Variants in INVS observed in about 807,000 individuals in gnomAD.
INVS encodes inversion of embryo turning homolog.
In INVS, 86 loss-of-function variants were observed where a neutral mutation model predicts 108.8. That is an observed-to-expected ratio of 0.79 (90% CI 0.66 to 0.95). The LOEUF (loss-of-function observed/expected upper bound fraction) is 0.95. INVS is among the 40% of genes least tolerant of loss of function. The pLI, the probability that INVS is intolerant of heterozygous loss-of-function variation, is 0.00. For synonymous variants in INVS, 455 were observed against 473.5 expected (o/e 0.96, Z 0.51); for missense variants, 1,169 against 1,297.4 (o/e 0.90, Z 1.52).
chr9:100,100,921 TA>T lies in INVS; in HGVS notation c.-25+1506del, dbSNP rs1213462126. On this transcript the variant is annotated intron_variant, in intron 1 of 16. Coordinates refer to ENST00000262457, the MANE Select transcript of INVS (RefSeq NM_014425.5). Reference sequence around the variant, plus strand: ...TATATATGTATATATATTATATGTATATATATAATATATATAATATATATAC... The same window carrying T: ...TATATATGTATATATATTATATGTATTATATAATATATATAATATATATAC... 2.7e-3 allele frequency among the ~76,000 whole-genome samples: 78 copies of T among 28,790 alleles called. 4 individuals carry two copies. Among genetic ancestry groups the T allele is most frequent in the African/African-American group, 6.3e-3 (19 of 2,996 alleles). The allele number at this position is 28,790 out of a possible 152,430, so 18.9% of individuals were successfully genotyped here.
At chr9:100,248,605 A>G (rs1832122354) in intron 8 of INVS, among the ~76,000 whole-genome samples, 1 of 152,208 alleles carries the variant, frequency 6.6e-6, no homozygotes, top group African/African-American at 2.4e-5. Flanking sequence ...ATTATTGAAC[A>G]TTATAGAATT....
At chr9:100,283,298 G>A (rs1359278120) in intron 12 of INVS, among the ~76,000 whole-genome samples, 3 of 152,162 alleles carry the variant, frequency 2.0e-5, no homozygotes, top group African/African-American at 7.2e-5. Flanking sequence ...GTAAAAGACC[G>A]TGTCTTTAAA....
At chr9:100,240,292 A>G (rs1459584698) in intron 6 of INVS, 52 bp downstream of exon 6, 1 of 1,383,238 alleles carries the variant, frequency 7.2e-7, no homozygotes, top group Non-Finnish European at 1.0e-6. Flanking sequence ...GTATAGGAAT[A>G]TTTCTGTGCC....
chr9:100,139,891 C>T (rs1464780075), intron 3 of INVS, among the ~76,000 whole-genome samples: 1 of 152,176 alleles, frequency 6.6e-6, no homozygotes, highest in Non-Finnish European at 1.5e-5. Flanking sequence ...TATCAGCCCG[C>T]CTTGGCCCAC....
At chr9:100,286,871 C>T (rs1833461252) in intron 13 of INVS, among the ~76,000 whole-genome samples, 1 of 152,214 alleles carries the variant, frequency 6.6e-6, no homozygotes, top group African/African-American at 2.4e-5. Context: ...TTCTCCTATA[C>T]TTCCCTCTTA....
At chr9:100,198,371 C>A (rs1268079276) in intron 3 of INVS, among the ~76,000 whole-genome samples, 1 of 139,722 alleles carries the variant, frequency 7.2e-6, no homozygotes, top group Non-Finnish European at 1.5e-5. Context: ...GATCTTGGCT[C>A]ACCGCAACCT....
intron 2 of INVS, among the ~76,000 whole-genome samples, chr9:100,112,347 A>C (rs1827363687): frequency 6.6e-6 from 1 of 152,242 alleles, no homozygotes; most frequent in Admixed American, 6.5e-5. Context: ...TTGTGGTGAC[A>C]TAACCCAATA....
At chr9:100,270,641 G>C (rs1002575579) in intron 11 of INVS, among the ~76,000 whole-genome samples, 3 of 151,742 alleles carry the variant, frequency 2.0e-5, no homozygotes, top group Non-Finnish European at 2.9e-5. Context: ...CCAGCTACTC[G>C]GGAGGCTGAG....
At chr9:100,299,561 CACA>C (rs1833893951) in intron 16 of INVS, among the ~76,000 whole-genome samples, 1 of 47,314 alleles carries the variant, frequency 2.1e-5, no homozygotes. Flanking sequence ...ACACAACACA[CACA>C]CACACACACA....
intron 13 of INVS, among the ~76,000 whole-genome samples, chr9:100,288,624 CTT>C (rs559798430): frequency 7.7e-5 from 11 of 142,754 alleles, no homozygotes; most frequent in African/African-American, 1.0e-4. Flanking sequence ...TACAACCATA[CTT>C]TTTTTTTTTT....
At chr9:100,156,945 C>T (rs1015340074) in intron 3 of INVS, among the ~76,000 whole-genome samples, 5 of 142,538 alleles carry the variant, frequency 3.5e-5, no homozygotes, top group Admixed American at 6.8e-5. Context: ...TATATATATA[C>T]ACACACACAC....
chr9:100,215,234 C>G (rs1040472787), intron 3 of INVS, among the ~76,000 whole-genome samples: 4 of 152,086 alleles, frequency 2.6e-5, no homozygotes, highest in Non-Finnish European at 4.4e-5. Context: ...TCTCTAAGCC[C>G]CCTTTTGGCT....
chr9:100,293,298 G>A, intron 14 of INVS, among the ~76,000 whole-genome samples: 1 of 152,174 alleles, frequency 6.6e-6, no homozygotes, highest in Non-Finnish European at 1.5e-5. Context: ...CCCTGGGTTT[G>A]TAACCATGAA....
At chr9:100,148,889 A>C (rs1276320717) in intron 3 of INVS, among the ~76,000 whole-genome samples, 1 of 152,190 alleles carries the variant, frequency 6.6e-6, no homozygotes, top group Non-Finnish European at 1.5e-5. Flanking sequence ...ACAACTTTAG[A>C]TCTGGGATTT....
intron 3 of INVS, among the ~76,000 whole-genome samples, chr9:100,223,999 G>A (rs1831226520): frequency 6.6e-6 from 1 of 151,972 alleles, no homozygotes; most frequent in African/African-American, 2.4e-5. Context: ...AATTGTCTTC[G>A]GCCATACATA....
At chr9:100,171,484 CAT>C (rs1234833490) in intron 3 of INVS, among the ~76,000 whole-genome samples, 1 of 152,068 alleles carries the variant, frequency 6.6e-6, no homozygotes, top group Non-Finnish European at 1.5e-5. Flanking sequence ...TGTTAAGCAA[CAT>C]ATGACTATAG....
intron 3 of INVS, among the ~76,000 whole-genome samples, chr9:100,164,639 A>G (rs556309988): frequency 2.0e-5 from 3 of 152,258 alleles, no homozygotes; most frequent in African/African-American, 7.2e-5. Flanking sequence ...TCTAAGAGGA[A>G]ATGACCTTTT....
chr9:100,194,118 C>T (rs562213490), intron 3 of INVS, among the ~76,000 whole-genome samples: 24 of 152,228 alleles, frequency 1.6e-4, no homozygotes, highest in African/African-American at 5.1e-4. Context: ...AGCAGGTGTA[C>T]GTTTAACTTT....
chr9:100,295,339 A>G (rs1833760307), intron 14 of INVS, among the ~76,000 whole-genome samples: 1 of 152,200 alleles, frequency 6.6e-6, no homozygotes, highest in Admixed American at 6.5e-5. Context: ...CCCCCTCTGG[A>G]TGTGCCATTG....
Sources: gnomAD v4.1 joint callset for allele counts (sites outside exome capture counted in the v4.1 genomes callset) on GRCh38, gnomAD v4.1.1 for gene constraint, MANE v1.5 for transcripts, NCBI Gene and HGNC (gene_info 2026-07-23, HGNC 2026-07-21) for gene names.